FGF12: variants seen among roughly 807,000 people sequenced by gnomAD.
The protein encoded by FGF12 is fibroblast growth factor 12B.
FGF12 carries 14 observed loss-of-function variants against 23.6 expected under a neutral mutation model. The ratio of observed to expected loss-of-function variants is 0.59; its 90% CI spans 0.39 to 0.93. The LOEUF (loss-of-function observed/expected upper bound fraction) is 0.93, where lower values mean the gene tolerates loss of function less well. Among genes scored for constraint, FGF12 ranks in the 40% least tolerant of loss-of-function variants. The probability of loss-of-function intolerance (pLI) is 0.00; values close to 1 mark genes in which losing one functional copy is unlikely to be tolerated. For synonymous variants in FGF12, 62 were observed against 77.3 expected (o/e 0.80, Z 1.04); for missense variants, 175 against 217.8 (o/e 0.80, Z 1.24).
Position 192,408,156 on chromosome 3 carries a change from C to T in FGF12, c.14-47618G>A, listed in dbSNP as rs1721042941. 3 of 1,611,254 alleles carry T rather than the reference C, an allele frequency of 1.9e-6. No homozygotes were observed. Among genetic ancestry groups the T allele is most frequent in the Admixed American group, 1.7e-5 (1 of 59,996 alleles). ...GGAGCGGCGCTTGGAGGCCGACACT[C>T]GGTCGCTGTTGGACTCCCTCGCCTG... On this transcript the variant is annotated intron_variant, in intron 2 of 5. Transcript: ENST00000445105. The surrounding 1 kb of genome is among the most constrained non-coding windows in gnomAD (Gnocchi z 7.3).
intron 4 of FGF12, among the ~76,000 whole-genome samples, chr3:192,282,051 T>A (rs536413436): frequency 2.0e-5 from 3 of 152,286 alleles, no homozygotes; most frequent in African/African-American, 4.8e-5. Context: ...AGTCACTTCA[T>A]CCACTTGAAG....
chr3:192,377,967 C>CCTTAGATTATTCATAAACATAA (rs1719598177), intron 2 of FGF12, among the ~76,000 whole-genome samples: 2 of 142,828 alleles, frequency 1.4e-5, no homozygotes, highest in African/African-American at 6.1e-5. Flanking sequence ...GAAAAAATGT[C>CCTTAGATTATTCATAAACATAA]TTTTCTGGTA....
In FGF12 at chr3:192,499,791, G is replaced by A. The variant is rs187164401; in HGVS notation, c.14-139253C>T. Among the ~76,000 whole-genome samples the A allele has an allele frequency of 3.2e-3, 486 of 151,060 alleles. 3 individuals are homozygous for A. Among genetic ancestry groups the A allele is most frequent in the African/African-American group, 0.012 (474 of 41,128 alleles). ...TCTCAATCTCCTGACCTTGTGATCC[G>A]CCCGCCTCAGCCTCCCAAAGTGCTG... On this transcript the variant is annotated intron_variant, in intron 2 of 5. Coordinates refer to ENST00000445105, the MANE Select transcript of FGF12 (RefSeq NM_004113.6).
At chr3:192,150,534 G>C (rs1181555137) in intron 5 of FGF12, among the ~76,000 whole-genome samples, 1 of 144,198 alleles carries the variant, frequency 6.9e-6, no homozygotes, top group Non-Finnish European at 1.5e-5. Flanking sequence ...TCCTACATAT[G>C]GCTATCCAGT....
At chr3:192,719,216 G>A (rs1036292450) in intron 2 of FGF12, among the ~76,000 whole-genome samples, 20 of 152,166 alleles carry the variant, frequency 1.3e-4, no homozygotes, top group African/African-American at 4.6e-4. Flanking sequence ...AATTCCACCA[G>A]TGTGCATACT....
chr3:192,358,949 T>C (rs1251542262), intron 3 of FGF12, among the ~76,000 whole-genome samples: 1 of 152,188 alleles, frequency 6.6e-6, no homozygotes, highest in African/African-American at 2.4e-5. Context: ...TTAGTGCAGA[T>C]AAGTGACACA....
At chr3:192,190,767 G>A (rs1331035459) in intron 4 of FGF12, among the ~76,000 whole-genome samples, 2 of 152,064 alleles carry the variant, frequency 1.3e-5, no homozygotes, top group African/African-American at 4.8e-5. Flanking sequence ...GAGCCACCGC[G>A]CCCGGCCCCA....
chr3:192,403,965 AG>A (rs927400358), intron 2 of FGF12, among the ~76,000 whole-genome samples: 1 of 152,200 alleles, frequency 6.6e-6, no homozygotes, highest in African/African-American at 2.4e-5. Flanking sequence ...CAGCAGAAAC[AG>A]GGACTCAGAA....
intron 5 of FGF12, among the ~76,000 whole-genome samples, chr3:192,149,974 C>T (rs1259654580): frequency 2.5e-5 from 3 of 118,864 alleles, no homozygotes; most frequent in Non-Finnish European, 5.5e-5. Context: ...TCTCCAGCAC[C>T]TGTTGTCTCC....
chr3:192,573,579 G>C (rs908932796), intron 2 of FGF12, among the ~76,000 whole-genome samples: 1 of 152,018 alleles, frequency 6.6e-6, no homozygotes, highest in African/African-American at 2.4e-5. Context: ...CTTAAACTGG[G>C]ACACTGGCTC....
intron 2 of FGF12, among the ~76,000 whole-genome samples, chr3:192,513,575 C>A (rs1724559613): frequency 6.6e-6 from 1 of 152,130 alleles, no homozygotes; most frequent in South Asian, 2.1e-4. Context: ...ATTTTCATAG[C>A]TCAAGAACAG....
rs1238365728 is a variant in FGF12 at position 192,360,450 on chromosome 3, G to A, written c.102C>T (p.Thr34=). Residue 34 remains threonine, a synonymous_variant, in exon 3 of 6, where the codon ACC becomes ACT. Coordinates refer to ENST00000445105, the MANE Select transcript of FGF12 (RefSeq NM_004113.6). This position sits in a 1 kb window ranked among gnomAD's most constrained non-coding sequence, Gnocchi z 4.3. ...TACTGTAGTCGCTGTTTTCGTCCTT[G>A]GTCCCATCAATGGTACCATCTGGGT... is the stretch of plus-strand genomic sequence containing the variant. The part of the protein sequence containing the change: ...QMHPDGTIDG[T]KDENSDYTLF... 1 of 1,612,510 alleles carries A rather than the reference G, an allele frequency of 6.2e-7. No individual in the cohort carries two copies. Among genetic ancestry groups the A allele is most frequent in the African/African-American group, 1.3e-5 (1 of 74,840 alleles).
intron 2 of FGF12, among the ~76,000 whole-genome samples, chr3:192,422,532 G>A (rs1443431438): frequency 6.6e-6 from 1 of 152,078 alleles, no homozygotes; most frequent in East Asian, 1.9e-4. Context: ...AACTAAACCT[G>A]ACTCATTAAT....
intron 2 of FGF12, among the ~76,000 whole-genome samples, chr3:192,591,739 A>G (rs952536893): frequency 2.0e-5 from 3 of 151,948 alleles, no homozygotes; most frequent in Non-Finnish European, 2.9e-5. Flanking sequence ...ACGTGGCAAT[A>G]GAAAGTCCAC....
At chr3:192,676,005 G>T (rs1717314358) in intron 2 of FGF12, among the ~76,000 whole-genome samples, 1 of 152,174 alleles carries the variant, frequency 6.6e-6, no homozygotes, top group African/African-American at 2.4e-5. Flanking sequence ...ACTGAAACTG[G>T]AGAGACACGC....
At chr3:192,412,044 G>T (rs1041135787) in intron 2 of FGF12, among the ~76,000 whole-genome samples, 1 of 152,026 alleles carries the variant, frequency 6.6e-6, no homozygotes, top group African/African-American at 2.4e-5. Flanking sequence ...AACACGAAGT[G>T]GAAGTCTGTA....
intron 2 of FGF12, among the ~76,000 whole-genome samples, chr3:192,414,075 A>G (rs1353657338): frequency 2.0e-5 from 3 of 152,220 alleles, no homozygotes; most frequent in African/African-American, 7.2e-5. Context: ...CCAAAACAGA[A>G]AAGAGAACAG....
At chr3:192,558,356 T>TAGGAATA (rs1711874152) in intron 2 of FGF12, among the ~76,000 whole-genome samples, 1 of 151,818 alleles carries the variant, frequency 6.6e-6, no homozygotes, top group Non-Finnish European at 1.5e-5. Flanking sequence ...ATAAAATACT[T>TAGGAATA]AGGAATAAAT....
intron 2 of FGF12, among the ~76,000 whole-genome samples, chr3:192,521,557 T>A (rs1032793373): frequency 6.6e-6 from 1 of 152,180 alleles, no homozygotes; most frequent in Non-Finnish European, 1.5e-5. Context: ...CAAAACTCAT[T>A]ACCAAAGGAG....
Sources: gnomAD v4.1 joint callset for allele counts (sites outside exome capture counted in the v4.1 genomes callset) on GRCh38, gnomAD v4.1.1 for gene constraint, Gnocchi (gnomAD v3.1) non-coding constraint, MANE v1.5 for transcripts, NCBI Gene and HGNC (gene_info 2026-07-23, HGNC 2026-07-21) for gene names.